Variants in HERC3 observed in about 807,000 individuals in gnomAD.
HERC3 encodes probable E3 ubiquitin-protein ligase HERC3.
In HERC3, 58 loss-of-function variants were observed where a neutral mutation model predicts 129.9. The ratio of observed to expected loss-of-function variants is 0.45; its 90% confidence interval spans 0.36 to 0.56. HERC3 has a LOEUF of 0.56. Among genes scored for constraint, HERC3 ranks in the 20% least tolerant of loss-of-function variants. The probability of loss-of-function intolerance (pLI) is 0.00; values close to 1 mark genes in which losing one functional copy is unlikely to be tolerated. For synonymous variants in HERC3, 430 were observed against 451.0 expected (o/e 0.95, Z 0.59); for missense variants, 835 against 1,244.2 (o/e 0.67, Z 4.95).
At chr4:88,524,201 C>G in the HERC3 span, among the ~76,000 whole-genome samples, 1 of 152,098 alleles carries the variant, frequency 6.6e-6, no homozygotes, top group Admixed American at 6.5e-5. Context: ...TTTCTGTAAC[C>G]TTGTTTGGCT....
the HERC3 span, among the ~76,000 whole-genome samples, chr4:88,568,374 C>T: frequency 6.6e-6 from 1 of 152,156 alleles, no homozygotes; most frequent in African/African-American, 2.4e-5. Context: ...GTGGCAAGCT[C>T]CCCTCTGGCT....
the HERC3 span, among the ~76,000 whole-genome samples, chr4:88,573,996 C>G: frequency 6.6e-6 from 1 of 152,220 alleles, no homozygotes. Context: ...CTCTGCCATG[C>G]CTGAAATGTG....
chr4:88,620,231 T>A (rs1397551239), intron 3 of HERC3, among the ~76,000 whole-genome samples: 1 of 152,216 alleles, frequency 6.6e-6, no homozygotes, highest in Non-Finnish European at 1.5e-5. Flanking sequence ...AGTAGCATCT[T>A]TATACTGTTG....
intron 10 of HERC3, among the ~76,000 whole-genome samples, chr4:88,659,432 A>T (rs1456586270): frequency 6.6e-6 from 1 of 152,184 alleles, no homozygotes; most frequent in Non-Finnish European, 1.5e-5. Context: ...AGTCATTCTG[A>T]TTCTGTGATT....
Position 88,704,515 on chromosome 4 carries a change from T to C in HERC3, c.2849T>C (p.Ile950Thr). The C allele has an allele frequency of 6.2e-7, 1 of 1,603,028 alleles. No homozygotes were observed. Among genetic ancestry groups the C allele is most frequent in the Non-Finnish European group, 8.5e-7 (1 of 1,170,116 alleles). The change falls in exon 25 of 26, where the codon ATC becomes ACC. Residue 950 changes from isoleucine to threonine, a missense_variant. By Grantham distance (89) the Ile-to-Thr change is moderately conservative. Transcript: ENST00000402738. ...YNWEELEETA[I>T]YKGDYSATHP... Reference sequence around the variant, plus strand: ...TTTCTCTTTTTTGGACAGACTGCCATCTACAAGGGAGATTACTCGGCCACA... The same window carrying C: ...TTTCTCTTTTTTGGACAGACTGCCACCTACAAGGGAGATTACTCGGCCACA...
the HERC3 span, among the ~76,000 whole-genome samples, chr4:88,553,138 G>A: frequency 6.6e-6 from 1 of 152,174 alleles, no homozygotes; most frequent in African/African-American, 2.4e-5. Flanking sequence ...TGGACCATGG[G>A]TAATATAATT....
chr4:88,674,353 C>T (rs1017762466), intron 16 of HERC3, among the ~76,000 whole-genome samples: 7 of 152,198 alleles, frequency 4.6e-5, no homozygotes, highest in Non-Finnish European at 8.8e-5. Context: ...ACTAAAATGT[C>T]AGTATGTACT....
At chr4:88,617,737 G>T (rs1038238003) in intron 3 of HERC3, among the ~76,000 whole-genome samples, 3 of 152,142 alleles carry the variant, frequency 2.0e-5, no homozygotes, top group African/African-American at 7.2e-5. Context: ...AGGGCGTGGT[G>T]GTGGGCACCT....
the HERC3 span, among the ~76,000 whole-genome samples, chr4:88,569,595 T>C: frequency 6.6e-5 from 10 of 152,206 alleles, no homozygotes; most frequent in Non-Finnish European, 1.3e-4. Flanking sequence ...TCATTTAACT[T>C]TTCTCCTTAA....
intron 23 of HERC3, among the ~76,000 whole-genome samples, chr4:88,701,017 GT>G (rs1260982485): frequency 6.6e-6 from 1 of 152,184 alleles, no homozygotes; most frequent in Non-Finnish European, 1.5e-5. Context: ...CCAGACTGGT[GT>G]TTGACCAAAC....
intron 18 of HERC3, among the ~76,000 whole-genome samples, chr4:88,677,587 T>C (rs769215152): frequency 8.5e-5 from 13 of 152,324 alleles, no homozygotes; most frequent in Non-Finnish European, 1.9e-4. Context: ...TTTCAAAGAA[T>C]AACTCTTTTT....
intron 14 of HERC3, among the ~76,000 whole-genome samples, chr4:88,669,628 G>A (rs908990065): frequency 1.2e-4 from 19 of 152,098 alleles, no homozygotes; most frequent in Non-Finnish European, 2.5e-4. Flanking sequence ...TTCAGATTGA[G>A]TCTTTGCAAA....
chr4:88,623,228 T>C (rs1397120751), intron 3 of HERC3, among the ~76,000 whole-genome samples: 1 of 152,206 alleles, frequency 6.6e-6, no homozygotes, highest in African/African-American at 2.4e-5. Context: ...GTCATGTTTG[T>C]TCAGAAAAAG....
chr4:88,667,355 C>A, intron 12 of HERC3, 22 bp from the exon 13 acceptor site: 1 of 1,357,110 alleles, frequency 7.4e-7, no homozygotes, highest in South Asian at 1.2e-5. Context: ...TATTATATAC[C>A]TTTTTGATTT....
At chr4:88,543,406 T>C in the HERC3 span, among the ~76,000 whole-genome samples, 2 of 152,086 alleles carry the variant, frequency 1.3e-5, no homozygotes, top group Non-Finnish European at 2.9e-5. Flanking sequence ...CAAGGAGAAC[T>C]ACAAACCACT....
intron 23 of HERC3, among the ~76,000 whole-genome samples, chr4:88,688,650 T>C (rs1167574033): frequency 1.3e-5 from 2 of 152,208 alleles, no homozygotes; most frequent in Non-Finnish European, 1.5e-5. Flanking sequence ...TTTTGATATG[T>C]CTTTGTGATA....
At chr4:88,693,437 T>A in intron 23 of HERC3, 3 of 951,990 alleles carry the variant, frequency 3.2e-6, no homozygotes, top group Middle Eastern at 5.4e-4. Flanking sequence ...GTGTATTCTT[T>A]AAAAAAAAAG....
chr4:88,673,385 T>TA (rs959156122), intron 16 of HERC3, among the ~76,000 whole-genome samples: 38 of 151,490 alleles, frequency 2.5e-4, no homozygotes, highest in African/African-American at 7.7e-4. Context: ...ACTTCGTATT[T>TA]AAAAAAAAAT....
chr4:88,544,442 G>A, the HERC3 span, among the ~76,000 whole-genome samples: 1 of 152,212 alleles, frequency 6.6e-6, no homozygotes, highest in Non-Finnish European at 1.5e-5. Context: ...AGGATGTGGA[G>A]AAATAGGAAC....
Sources: allele counts gnomAD v4.1 joint callset (sites outside exome capture counted in the v4.1 genomes callset), GRCh38; gene constraint gnomAD v4.1.1; transcripts MANE v1.5; gene names NCBI Gene and HGNC (gene_info 2026-07-23, HGNC 2026-07-21).